The following MYZAP variants were observed in gnomAD, a reference collection of about 807,000 sequenced individuals.
MYZAP encodes myocardial zonula adherens protein, also known as GRINL1A complex locus upstream.
In MYZAP, 66 loss-of-function variants were observed where a neutral mutation model predicts 69.4. That is an observed-to-expected ratio of 0.95 (90% CI 0.78 to 1.17). MYZAP has a LOEUF of 1.17. Ranked by LOEUF, MYZAP falls within the 50% of genes most tolerant of loss-of-function variation. The pLI is 0.00. For missense variants in MYZAP, 611 were observed against 556.2 expected, an observed-to-expected ratio of 1.10 and a Z score of -0.99; for synonymous variants, 256 against 205.9, an observed-to-expected ratio of 1.24 and a Z score of -2.09.
chr15:57,592,857 T>G (rs2033772364), intron 1 of MYZAP, among the ~76,000 whole-genome samples: 2 of 152,188 alleles, frequency 1.3e-5, no homozygotes, highest in South Asian at 4.1e-4. Context: ...GGGCTTGGCT[T>G]GTGGCTTTTT....
intron 1 of MYZAP, among the ~76,000 whole-genome samples, chr15:57,598,490 G>C (rs1325418153): frequency 6.6e-6 from 1 of 152,132 alleles, no homozygotes; most frequent in African/African-American, 2.4e-5. Flanking sequence ...GCACCGTAGG[G>C]GCTATATTAA....
intron 10 of MYZAP, chr15:57,647,539 A>C: frequency 1.0e-6 from 1 of 985,442 alleles, no homozygotes; most frequent in Non-Finnish European, 1.2e-6. Context: ...CTTTAGAGAA[A>C]ACAGGTCACC....
At chr15:57,674,701 A>G (rs962461278) in intron 11 of MYZAP, among the ~76,000 whole-genome samples, 1 of 152,254 alleles carries the variant, frequency 6.6e-6, no homozygotes, top group East Asian at 1.9e-4. Context: ...AGTGGCTGAA[A>G]AAGCAGATTA....
chr15:57,603,306 G>A (rs2034532636), intron 1 of MYZAP, among the ~76,000 whole-genome samples: 1 of 139,338 alleles, frequency 7.2e-6, no homozygotes, highest in African/African-American at 2.6e-5. Context: ...AACAAGCAGG[G>A]ACAGCTTTTT....
intron 10 of MYZAP, among the ~76,000 whole-genome samples, chr15:57,660,740 C>T (rs1171340777): frequency 6.6e-6 from 1 of 152,182 alleles, no homozygotes; most frequent in African/African-American, 2.4e-5. Context: ...CGGCCTGGTA[C>T]AGAGTACTCT....
chr15:57,663,086 C>T (rs1290221595), intron 11 of MYZAP, among the ~76,000 whole-genome samples: 1 of 152,164 alleles, frequency 6.6e-6, no homozygotes, highest in African/African-American at 2.4e-5. Context: ...GCACACCTTC[C>T]CCAGTAAGAG....
Position 57,618,180 on chromosome 15 carries a change from A to G in MYZAP, c.310A>G (p.Ile104Val). 2 of 1,613,570 alleles carry G rather than the reference A, an allele frequency of 1.2e-6. No individual in the cohort carries two copies. The highest frequency in any genetic ancestry group is 1.7e-4 in the Middle Eastern group (1 of 6,054). The change falls in exon 3 of 13, where the codon ATC (isoleucine) becomes GTC (valine). Residue 104 changes from isoleucine to valine, a missense_variant. Ile to Val is a conservative substitution (Grantham distance 29). Transcript: ENST00000267853. Reference protein sequence around the residue: ...TSQLKEEMNYIKDVRATLEKV... With the variant: ...TSQLKEEMNYVKDVRATLEKV... ...TCAGCTGAAAGAAGAGATGAACTAC[A>G]TCAAAGATGTGAGCCATTTAAGAGT...
At chr15:57,664,274 C>T (rs2038461500) in intron 11 of MYZAP, among the ~76,000 whole-genome samples, 1 of 152,134 alleles carries the variant, frequency 6.6e-6, no homozygotes, top group South Asian at 2.1e-4. Flanking sequence ...TCAGTGGCTT[C>T]TTCCAAGGTG....
At chr15:57,628,880 C>T (rs537922795) in intron 5 of MYZAP, among the ~76,000 whole-genome samples, 232 of 151,926 alleles carry the variant, frequency 1.5e-3, no homozygotes, top group Admixed American at 6.9e-3. Context: ...GTCAGGAGTT[C>T]GAGACCAGCC....
At position 57,663,342 on chromosome 15, in the gene MYZAP, A is replaced by G. The variant is rs542984645; in HGVS notation, c.1203+1809A>G. On this transcript the variant is annotated intron_variant, in intron 11 of 12. Transcript: ENST00000267853. ...GGTTTATGCTCAGTGTATTAAACTCATGTCTCACCTTAGTTTGGGTTGCTC... is the reference window on the plus strand; with the variant it reads ...GGTTTATGCTCAGTGTATTAAACTCGTGTCTCACCTTAGTTTGGGTTGCTC... 3.2e-3 allele frequency among the ~76,000 whole-genome samples: 493 copies of G among 152,262 alleles called. 4 individuals are homozygous for G. Among genetic ancestry groups the G allele is most frequent in the African/African-American group, 0.012 (479 of 41,538 alleles).
chr15:57,679,176 CA>C (rs1175770766), intron 12 of MYZAP, among the ~76,000 whole-genome samples: 3 of 149,442 alleles, frequency 2.0e-5, no homozygotes, highest in African/African-American at 7.4e-5. Flanking sequence ...AACTCCGTCT[CA>C]AAAAAAAATG....
Position 57,621,671 on chromosome 15 carries a change from AAG to A in MYZAP, c.384_385del (p.Lys128AsnfsTer33). 1 of 1,614,004 alleles carries A rather than the reference AAG, an allele frequency of 6.2e-7. No individual in the cohort carries two copies. Among genetic ancestry groups the A allele is most frequent in the African/African-American group, 1.3e-5 (1 of 75,054 alleles). ...MYGDYDEMRQ[K>X]IRQLTQELSV... ...TGGAGACTATGATGAGATGAGACAG[AAG>A]ATTCGACAGCTCACCCAGGAACTAT... On this transcript the variant is annotated frameshift_variant, in exon 4 of 13. Coordinates refer to ENST00000267853, the MANE Select transcript of MYZAP (RefSeq NM_001018100.5). LOFTEE classifies it high-confidence loss of function.
chr15:57,621,825 A>G (rs372720971), intron 4 of MYZAP, 125 bp downstream of exon 4: 1 of 809,158 alleles, frequency 1.2e-6, no homozygotes. Flanking sequence ...TACATTTTAA[A>G]TAAACTGAGA....
chr15:57,618,223 A>T, intron 3 of MYZAP, 35 bp downstream of exon 3: 1 of 1,607,052 alleles, frequency 6.2e-7, no homozygotes. Context: ...CCCCACCTGT[A>T]TTCTTTTTGT....
chr15:57,641,830 G>T (rs1161705125), intron 10 of MYZAP, among the ~76,000 whole-genome samples: 2 of 152,138 alleles, frequency 1.3e-5, no homozygotes, highest in African/African-American at 4.8e-5. Flanking sequence ...TAGAAACATG[G>T]TCAAGGGGCA....
rs375758690 is a variant in MYZAP at position 57,652,600 on chromosome 15, C to A, written c.1120-8850C>A. Among the ~76,000 whole-genome samples, 28 of 152,046 alleles carry A rather than the reference C, an allele frequency of 1.8e-4. 3 individuals are homozygous for A. The highest frequency in any genetic ancestry group is 1.3e-3 in the Admixed American group (20 of 15,270). ...ATAGTCACAGTGGGTATGTGGGGACCAGACACAATTCCTCTTTTGTTAAGA... is the reference window on the plus strand; with the variant it reads ...ATAGTCACAGTGGGTATGTGGGGACAAGACACAATTCCTCTTTTGTTAAGA... On this transcript the variant is annotated intron_variant, in intron 10 of 12. Transcript: ENST00000267853.
At chr15:57,642,854 A>C (rs915458792) in intron 10 of MYZAP, among the ~76,000 whole-genome samples, 4 of 152,212 alleles carry the variant, frequency 2.6e-5, no homozygotes, top group African/African-American at 9.6e-5. Context: ...GGTGGGAGAC[A>C]GTAGGACTTG....
At chr15:57,637,162 C>T (rs1272648229) in intron 8 of MYZAP, among the ~76,000 whole-genome samples, 2 of 152,204 alleles carry the variant, frequency 1.3e-5, no homozygotes, top group East Asian at 3.8e-4. Context: ...AACTTAATCA[C>T]ATCTGCAGAA....
rs34480854 is a variant in MYZAP, at chr15:57,645,006, C to G, written c.1119+5461C>G. Among the ~76,000 whole-genome samples the G allele has an allele frequency of 2.3e-3, 357 of 152,356 alleles. 4 individuals carry two copies. The South Asian group carries it at 0.027, about 12-fold the overall frequency. ...ATCCTCTTCCAACTGTGCATGTATG[C>G]ACGTGTCTGCCTCGCCCTGCTTTAA... On this transcript the variant is annotated intron_variant, in intron 10 of 12. Coordinates refer to ENST00000267853, the MANE Select transcript of MYZAP (RefSeq NM_001018100.5).
Sources: gnomAD v4.1 joint callset for allele counts (sites outside exome capture counted in the v4.1 genomes callset) on GRCh38, gnomAD v4.1.1 for gene constraint, MANE v1.5 for transcripts, NCBI Gene and HGNC (gene_info 2026-07-23, HGNC 2026-07-21) for gene names.